The following DIAPH2 variants were observed in gnomAD, a reference collection of about 807,000 sequenced individuals.
The protein encoded by DIAPH2 is diaphanous related formin 2.
In DIAPH2, 35 loss-of-function variants were observed where a neutral mutation model predicts 92.7. The ratio of observed to expected loss-of-function variants is 0.38; its 90% CI spans 0.29 to 0.50. DIAPH2 has a LOEUF of 0.50. Among genes scored for constraint, DIAPH2 ranks in the 20% least tolerant of loss-of-function variants. The probability of loss-of-function intolerance (pLI) is 0.94; values close to 1 mark genes in which losing one functional copy is unlikely to be tolerated. For synonymous variants in DIAPH2, 301 were observed against 280.4 expected (o/e 1.07, Z -0.73); for missense variants, 701 against 819.5 (o/e 0.86, Z 1.77).
At chrX:97,147,267 G>C (rs1322191020) in intron 22 of DIAPH2, among the ~76,000 whole-genome samples, 1 of 110,879 alleles carries the variant, frequency 9.0e-6, no homozygotes, top group Non-Finnish European at 1.9e-5. Context: ...TTAGTCTTTA[G>C]AGAAAGAAAA....
intron 4 of DIAPH2, among the ~76,000 whole-genome samples, chrX:96,832,295 A>T (rs1003721053): frequency 8.9e-6 from 1 of 111,828 alleles, no homozygotes; most frequent in Admixed American, 9.6e-5. Flanking sequence ...CATAACTAAA[A>T]AAAAAATTGT....
intron 20 of DIAPH2, among the ~76,000 whole-genome samples, chrX:97,103,932 T>C: frequency 9.0e-6 from 1 of 111,579 alleles, no homozygotes; most frequent in East Asian, 2.8e-4. Flanking sequence ...TTGCACATGC[T>C]GCTCCTTTAC....
intron 22 of DIAPH2, among the ~76,000 whole-genome samples, chrX:97,243,085 C>T (rs1334129658): frequency 5.4e-5 from 6 of 111,158 alleles, no homozygotes; most frequent in Non-Finnish European, 7.5e-5. Flanking sequence ...CGCACCTGGC[C>T]AAAAAGTTAT....
At chrX:97,163,066 G>T (rs745787007) in intron 22 of DIAPH2, among the ~76,000 whole-genome samples, 15 of 111,583 alleles carry the variant, frequency 1.3e-4, no homozygotes, top group African/African-American at 4.9e-4. Flanking sequence ...GGAAGTTTCA[G>T]ATGCTCTGGG....
At chrX:96,794,500 A>T (rs1233211961) in intron 4 of DIAPH2, among the ~76,000 whole-genome samples, 1 of 100,452 alleles carries the variant, frequency 1.0e-5, no homozygotes. Context: ...ACACAAAGCC[A>T]TTTTACACTC....
In DIAPH2 at chrX:96,988,272, T is replaced by C. The variant is rs1481214720; in HGVS notation, c.2050+23065T>C. On this transcript the variant is annotated intron_variant, in intron 17 of 26. Transcript: ENST00000324765. ...GATAGTATTGGTGCTCTAAAGAAGATAAAATACAGTAATATGATGGGAAAG... is the reference window on the plus strand; with the variant it reads ...GATAGTATTGGTGCTCTAAAGAAGACAAAATACAGTAATATGATGGGAAAG... Among the ~76,000 whole-genome samples, 8 of 110,287 alleles carry C rather than the reference T, an allele frequency of 7.3e-5. No homozygotes were observed. The Admixed American group carries it at 7.8e-4, about 11-fold the overall frequency.
chrX:97,300,917 G>A (rs1345972039), intron 23 of DIAPH2, among the ~76,000 whole-genome samples: 1 of 56,215 alleles, frequency 1.8e-5, no homozygotes, highest in Admixed American at 3.1e-4. Context: ...GGGCCACAGA[G>A]CAAGACTCCG....
intron 7 of DIAPH2, among the ~76,000 whole-genome samples, chrX:96,913,210 A>T (rs1293712637): frequency 9.0e-6 from 1 of 111,476 alleles, no homozygotes; most frequent in South Asian, 3.8e-4. Context: ...AACAAAAAAA[A>T]TGATTGGAAA....
chrX:96,708,530 G>A (rs1057142365), intron 1 of DIAPH2, among the ~76,000 whole-genome samples: 2 of 111,284 alleles, frequency 1.8e-5, no homozygotes, highest in African/African-American at 6.5e-5. Context: ...GTGAGCCACC[G>A]TGCCCGTCCC....
In DIAPH2 at chrX:96,959,903, A is replaced by G. The variant is rs756736511; in HGVS notation, c.1935+1755A>G. ...TTTCCCCATTGCATGTTCTTGGTAC[A>G]TTTGTGCCAAATCTGTTAGCTGTAA... On this transcript the variant is annotated intron_variant, in intron 16 of 26. Coordinates refer to ENST00000324765, the MANE Select transcript of DIAPH2 (RefSeq NM_006729.5). Among the ~76,000 whole-genome samples the G allele has an allele frequency of 3.6e-5, 4 of 111,475 alleles. No homozygotes were observed. In the East Asian group the frequency reaches 1.1e-3, roughly 31 times the overall value.
rs548861846 is a variant in DIAPH2, at chrX:97,301,029, C to T, written c.2845-47087C>T. On this transcript the variant is annotated intron_variant, in intron 23 of 26. Transcript: ENST00000324765. ...GTGAAAATTTAAGTAATTGGCCGGG[C>T]GCAGTGGCTCACGCCTGTAATCCCA... 1.3e-4 allele frequency among the ~76,000 whole-genome samples: 12 copies of T among 94,127 alleles called. No individual in the cohort carries two copies. In the South Asian group the frequency reaches 5.8e-3, roughly 45 times the overall value. The allele number at this position is 94,127 out of a possible 115,157, so 81.7% of individuals were successfully genotyped here.
chrX:96,851,368 G>T (rs1424771620), intron 4 of DIAPH2, among the ~76,000 whole-genome samples: 1 of 112,034 alleles, frequency 8.9e-6, no homozygotes, highest in Non-Finnish European at 1.9e-5. Flanking sequence ...CCCCCAAAGT[G>T]CTGGGATTAC....
At chrX:97,442,884 T>A (rs2070273668) in intron 26 of DIAPH2, 1 of 111,816 alleles carries the variant, frequency 8.9e-6, no homozygotes, top group African/African-American at 3.3e-5. Flanking sequence ...TTTGTTGTTG[T>A]TGTGATTGTT....
At chrX:97,296,126 C>T (rs2068641293) in intron 23 of DIAPH2, among the ~76,000 whole-genome samples, 1 of 111,405 alleles carries the variant, frequency 9.0e-6, no homozygotes, top group South Asian at 3.8e-4. Context: ...AGAACTATTG[C>T]AGTAGTAGTC....
chrX:97,113,171 T>C (rs758751475), intron 20 of DIAPH2, among the ~76,000 whole-genome samples: 2 of 111,716 alleles, frequency 1.8e-5, no homozygotes, highest in African/African-American at 6.5e-5. Context: ...GTATTTCCTC[T>C]ACTGTGAAGC....
chrX:97,028,536 A>G (rs1213564647), intron 17 of DIAPH2, among the ~76,000 whole-genome samples: 1 of 112,236 alleles, frequency 8.9e-6, no homozygotes, highest in African/African-American at 3.2e-5. Context: ...TGGACATTTC[A>G]TATAAATGGA....
chrX:97,011,663 G>A lies in DIAPH2; in HGVS notation c.2050+46456G>A, dbSNP rs1377025901. On this transcript the variant is annotated intron_variant, in intron 17 of 26. Transcript: ENST00000324765. The stretch of plus-strand genomic sequence containing the variant: ...AACACTTTGAGATTCCAAGGCGGGT[G>A]GATCACTTGAGGTCAGGAGTTTGAG... Among the ~76,000 whole-genome samples the A allele has an allele frequency of 2.7e-5, 3 of 110,317 alleles. No homozygotes were observed. In the South Asian group the frequency reaches 1.2e-3, roughly 43 times the overall value.
chrX:96,894,900 T>G (rs1397901460), intron 5 of DIAPH2, among the ~76,000 whole-genome samples: 1 of 110,157 alleles, frequency 9.1e-6, no homozygotes, highest in Non-Finnish European at 1.9e-5. Flanking sequence ...ATGATAAAAG[T>G]TAAGAATAAA....
At chrX:97,394,945 A>G (rs770405352) in intron 25 of DIAPH2, among the ~76,000 whole-genome samples, 14 of 111,378 alleles carry the variant, frequency 1.3e-4, no homozygotes, top group African/African-American at 4.2e-4. Flanking sequence ...TGCTCCCTAC[A>G]TGGTGTATCC....
Sources: allele counts gnomAD v4.1 joint callset (sites outside exome capture counted in the v4.1 genomes callset), GRCh38; gene constraint gnomAD v4.1.1; transcripts MANE v1.5; gene names NCBI Gene and HGNC (gene_info 2026-07-23, HGNC 2026-07-21).